Variants in ZNF205 observed in about 807,000 individuals in gnomAD.
The protein encoded by ZNF205 is transcriptional repressor RHIT.
In ZNF205, 32 loss-of-function variants were observed where a neutral mutation model predicts 53.6. The ratio of observed to expected loss-of-function variants is 0.60; its 90% CI spans 0.45 to 0.80. The LOEUF is 0.80. Among genes scored for constraint, ZNF205 ranks in the 30% least tolerant of loss-of-function variants. The pLI, the probability that ZNF205 is intolerant of heterozygous loss-of-function variation, is 0.00. For synonymous variants in ZNF205, 382 were observed against 334.3 expected (o/e 1.14, Z -1.56); for missense variants, 836 against 782.4 (o/e 1.07, Z -0.82).
intron 4 of ZNF205, 59 bp downstream of exon 4, chr16:3,115,979 C>G: frequency 6.5e-7 from 1 of 1,550,226 alleles, no homozygotes; most frequent in South Asian, 1.2e-5. Flanking sequence ...TCTGCTGGTT[C>G]TGTGTGAAAG....
At chr16:3,118,422 C>T (rs1187952342) in intron 5 of ZNF205, among the ~76,000 whole-genome samples, 2 of 152,226 alleles carry the variant, frequency 1.3e-5, no homozygotes, top group Non-Finnish European at 2.9e-5. Flanking sequence ...GTTGGTCCAA[C>T]ACATTCCTTT....
chr16:3,120,007 G>T lies in ZNF205; in HGVS notation c.1347G>T (p.Pro449=), dbSNP rs575775599. 155 of 1,613,180 alleles carry T rather than the reference G, an allele frequency of 9.6e-5. No individual in the cohort carries two copies. The South Asian group carries it at 1.7e-3, about 17-fold the overall frequency. ...QRTHTGVKPY[P]CPECGKCFSQ... The stretch of plus-strand genomic sequence containing the variant: ...CCCACACTGGGGTCAAGCCCTATCC[G>T]TGCCCCGAGTGCGGCAAGTGCTTCA... Residue 449 remains proline (P), a synonymous_variant, in exon 7 of 7, where the codon CCG becomes CCT. Coordinates refer to ENST00000219091, the MANE Select transcript of ZNF205 (RefSeq NM_001042428.2).
intron 2 of ZNF205, among the ~76,000 whole-genome samples, chr16:3,114,489 C>T (rs1957313153): frequency 6.6e-6 from 1 of 152,146 alleles, no homozygotes; most frequent in Admixed American, 6.5e-5. Context: ...ACAGACAGGG[C>T]GTGGAGGAAG....
chr16:3,113,283 TG>T, intron 1 of ZNF205, 133 bp from the exon 2 acceptor site: 1 of 737,622 alleles, frequency 1.4e-6, no homozygotes, highest in Non-Finnish European at 2.3e-6. Context: ...CTGGTACTCG[TG>T]GGGATTTTCA....
rs1203592604 is a variant in ZNF205 at position 3,113,414 on chromosome 16, T to C, written c.-14-3T>C. On this transcript the variant is annotated splice_polypyrimidine_tract_variant and splice_region_variant and intron_variant, in intron 1 of 6. Transcript: ENST00000219091. Reference sequence around the variant, plus strand: ...GGAGAAACAACTCAGCTGTTCTTTCTAGCTCTGAAATAGAAAATGTCTGCA... The same window carrying C: ...GGAGAAACAACTCAGCTGTTCTTTCCAGCTCTGAAATAGAAAATGTCTGCA... The C allele has an allele frequency of 5.0e-6, 8 of 1,612,746 alleles. No homozygotes were observed. Among genetic ancestry groups the C allele is most frequent in the East Asian group, 2.2e-5 (1 of 44,764 alleles).
chr16:3,112,914 G>A (rs1392647038), intron 1 of ZNF205: 1 of 195,818 alleles, frequency 5.1e-6, no homozygotes, highest in Non-Finnish European at 1.1e-5. Context: ...AGAGCGGGCA[G>A]GTTGATTTCT....
chr16:3,114,246 C>A (rs994773813), intron 2 of ZNF205, among the ~76,000 whole-genome samples: 1 of 152,140 alleles, frequency 6.6e-6, no homozygotes, highest in African/African-American at 2.4e-5. Context: ...TGGCTTCTGT[C>A]TGGTGCGCAC....
rs17134870 is a variant in ZNF205, at chr16:3,115,456, C to T, written c.159C>T (p.Pro53=). 1.0e-3 allele frequency: 1,617 copies of T among 1,611,930 alleles called. 1 individual carries two copies. Among genetic ancestry groups the T allele is most frequent in the Middle Eastern group, 4.8e-3 (29 of 6,050 alleles). ...TQESLHIKME[P]EEPHSEGASQ... Reference sequence around the variant, plus strand: ...AGTCACTGCACATTAAGATGGAGCCCGAAGAGCCACACTCCGAGGGGGCAT... The same window carrying T: ...AGTCACTGCACATTAAGATGGAGCCTGAAGAGCCACACTCCGAGGGGGCAT... The change falls in exon 3 of 7, where the codon CCC becomes CCT. Residue 53 remains proline (P), a synonymous_variant. Coordinates refer to ENST00000219091, the MANE Select transcript of ZNF205 (RefSeq NM_001042428.2).
chr16:3,115,523 CT>C lies in ZNF205; in HGVS notation c.227del (p.Leu76GlnfsTer49), dbSNP rs1260914039. 2 of 1,602,166 alleles carry C rather than the reference CT, an allele frequency of 1.2e-6. No individual in the cohort carries two copies. Among genetic ancestry groups the C allele is most frequent in the Admixed American group, 3.5e-5 (2 of 56,942 alleles). On this transcript the variant is annotated frameshift_variant, in exon 3 of 7. Coordinates refer to ENST00000219091, the MANE Select transcript of ZNF205 (RefSeq NM_001042428.2). LOFTEE classifies it high-confidence loss of function. The stretch of plus-strand genomic sequence containing the variant: ...TCAAGGTGCCTGGGGCTGGGCACCC[CT>C]AAGTCACGGCTCTAAGGAGAAAGCT... ...GAQGAWGWAP[L>X]SHGSKEKALF...
intron 4 of ZNF205, chr16:3,116,212 C>G (rs906706834): frequency 5.7e-6 from 4 of 704,644 alleles, no homozygotes; most frequent in Non-Finnish European, 9.3e-6. Flanking sequence ...TAAGTCTTAA[C>G]TGTGATCCCT....
chr16:3,115,565 G>C lies in ZNF205; in HGVS notation c.268G>C (p.Gly90Arg). 6.3e-7 allele frequency: 1 copy of C among 1,587,828 alleles called. No individual in the cohort carries two copies. Among genetic ancestry groups the C allele is most frequent in the Non-Finnish European group, 8.5e-7 (1 of 1,170,852 alleles). The stretch of plus-strand genomic sequence containing the variant: ...GGAGAAAGCTCTCTTCCTGCCTGGC[G>C]GAGGTAGGAGAGGGACGGGGAAGAG... ...SKEKALFLPGGALPSPRIPVL... is the reference protein window; with the variant it reads ...SKEKALFLPGRALPSPRIPVL... The change falls in exon 3 of 7, where the codon GGA (glycine) becomes CGA (arginine). Residue 90 changes from glycine to arginine, a missense_variant. Coordinates refer to ENST00000219091, the MANE Select transcript of ZNF205 (RefSeq NM_001042428.2).
chr16:3,115,430 G>A lies in ZNF205; in HGVS notation c.133G>A (p.Glu45Lys). 1 of 1,612,626 alleles carries A rather than the reference G, an allele frequency of 6.2e-7. No individual in the cohort carries two copies. Among genetic ancestry groups the A allele is most frequent in the Non-Finnish European group, 8.5e-7 (1 of 1,179,300 alleles). The change falls in exon 3 of 7, where the codon GAG becomes AAG. Residue 45 changes from glutamate (E) to lysine (K), a missense_variant. Transcript: ENST00000219091. ...GEAVPSGDTQ[E>K]SLHIKMEPEE... ...GGCGGTACCTTCAGGGGACACTCAG[G>A]AGTCACTGCACATTAAGATGGAGCC...
In ZNF205 at chr16:3,119,509, C is replaced by T. The variant is rs980694271; in HGVS notation, c.849C>T (p.Asn283=). 4 of 1,598,628 alleles carry T rather than the reference C, an allele frequency of 2.5e-6. No homozygotes were observed. In the East Asian group the frequency reaches 6.8e-5, roughly 27 times the overall value. ...PQEYRVPEKP[N]EEEKGAPESG... ...AGTACCGCGTCCCGGAGAAGCCCAA[C>T]GAGGAGGAGAAGGGCGCCCCGGAGA... Residue 283 remains asparagine, a synonymous_variant, in exon 7 of 7, where the codon AAC becomes AAT. Transcript: ENST00000219091.
chr16:3,119,468 C>T lies in ZNF205; in HGVS notation c.808C>T (p.Pro270Ser). 6.3e-7 allele frequency: 1 copy of T among 1,588,738 alleles called. No homozygotes were observed. Among genetic ancestry groups the T allele is most frequent in the Non-Finnish European group, 8.6e-7 (1 of 1,168,732 alleles). ...TPDAAPPDPS[P>S]TEPQEYRVPE... Reference sequence around the variant, plus strand: ...GGATGCAGCTCCGCCAGACCCCAGTCCCACGGAGCCCCAGGAGTACCGCGT... The same window carrying T: ...GGATGCAGCTCCGCCAGACCCCAGTTCCACGGAGCCCCAGGAGTACCGCGT... The change falls in exon 7 of 7, where the codon CCC (proline) becomes TCC (serine). Residue 270 changes from proline to serine, a missense_variant. By Grantham distance (74) the Pro-to-Ser change is moderately conservative. Coordinates refer to ENST00000219091, the MANE Select transcript of ZNF205 (RefSeq NM_001042428.2).
At chr16:3,115,211 TGGGGTGA>T in intron 2 of ZNF205, 137 bp from the exon 3 acceptor site, 1 of 609,912 alleles carries the variant, frequency 1.6e-6, no homozygotes, top group Non-Finnish European at 2.5e-6. Flanking sequence ...CCGTCCTTGC[TGGGGTGA>T]GCTGGATGAA....
chr16:3,116,614 C>T, intron 5 of ZNF205, 67 bp downstream of exon 5: 2 of 1,548,248 alleles, frequency 1.3e-6, no homozygotes, highest in Non-Finnish European at 1.7e-6. Context: ...TCTCCTCTTT[C>T]CTCCCTTCCC....
Position 3,119,350 on chromosome 16 carries a change from G to C in ZNF205, c.690G>C (p.Trp230Cys). 1 of 1,612,798 alleles carries C rather than the reference G, an allele frequency of 6.2e-7. No homozygotes were observed. The highest frequency in any genetic ancestry group is 8.5e-7 in the Non-Finnish European group (1 of 1,179,830). Residue 230 changes from tryptophan to cysteine, a missense_variant, in exon 7 of 7, where the codon TGG becomes TGC. Transcript: ENST00000219091. Reference protein sequence around the residue: ...PFRTRAGRVQWGVPQCAQEAA... With the variant: ...PFRTRAGRVQCGVPQCAQEAA... ...GAACCAGGGCAGGGAGAGTCCAGTG[G>C]GGCGTCCCGCAGTGCGCGCAGGAAG...
Position 3,112,604 on chromosome 16 carries a change from C to A in ZNF205, c.-93C>A. The A allele has an allele frequency of 3.0e-6, 1 of 337,224 alleles. No individual in the cohort carries two copies. The highest frequency in any genetic ancestry group is 2.2e-5 in the South Asian group (1 of 44,554). 20.9% of individuals were successfully genotyped at this position (337,224 alleles called of 1,614,324 possible). On this transcript the variant is annotated 5_prime_UTR_variant, in exon 1 of 7. Coordinates refer to ENST00000219091, the MANE Select transcript of ZNF205 (RefSeq NM_001042428.2). ...AGTCTCCACCCAACTCCCCCGCCCG[C>A]CCCGTGCAGGCTGTGGAGACTCCCT... is the stretch of plus-strand genomic sequence containing the variant.
chr16:3,113,321 G>A lies in ZNF205; in HGVS notation c.-14-96G>A, dbSNP rs539153479. The A allele has an allele frequency of 2.6e-4, 312 of 1,210,886 alleles. 5 individuals are homozygous for A. In the South Asian group the frequency reaches 3.6e-3, roughly 14 times the overall value. 75.0% of individuals were successfully genotyped at this position (1,210,886 alleles called of 1,614,324 possible). On this transcript the variant is annotated intron_variant, in intron 1 of 6. Transcript: ENST00000219091. ...GGCTCTTTGGGGGTGTCCAGGAAGC[G>A]AGGGCTGGTTTCTGTCTGCTCTTCT...
Sources: gnomAD v4.1 joint callset for allele counts (sites outside exome capture counted in the v4.1 genomes callset) on GRCh38, gnomAD v4.1.1 for gene constraint, MANE v1.5 for transcripts, NCBI Gene and HGNC (gene_info 2026-07-23, HGNC 2026-07-21) for gene names.